PIEZO2: variants seen among roughly 807,000 people sequenced by gnomAD.
PIEZO2 encodes the protein piezo type mechanosensitive ion channel component 2.
Under a neutral mutation model 337.3 loss-of-function variants are expected in PIEZO2, and 172 were observed. The observed-to-expected ratio is 0.51, with a 90% CI of 0.45 to 0.58. PIEZO2 has a LOEUF of 0.58. PIEZO2 is among the 20% of genes least tolerant of loss of function. PIEZO2 has a pLI of 0.00. For synonymous variants in PIEZO2, 1,251 were observed against 1,228.5 expected (o/e 1.02, Z -0.38); for missense variants, 3,028 against 3,391.3 (o/e 0.89, Z 2.66).
At chr18:11,103,787 G>A (rs1346506697) in intron 1 of PIEZO2, among the ~76,000 whole-genome samples, 2 of 86,886 alleles carry the variant, frequency 2.3e-5, no homozygotes, top group African/African-American at 1.1e-4. Context: ...GATGCTGGTC[G>A]TGTGTGTGTG....
At chr18:10,839,414 C>A (rs1944332127) in intron 7 of PIEZO2, among the ~76,000 whole-genome samples, 2 of 152,196 alleles carry the variant, frequency 1.3e-5, no homozygotes, top group Non-Finnish European at 2.9e-5. Flanking sequence ...TAGGATATCA[C>A]CCCTGTCATC....
At chr18:11,039,262 A>C (rs2037027863) in intron 2 of PIEZO2, among the ~76,000 whole-genome samples, 1 of 152,330 alleles carries the variant, frequency 6.6e-6, no homozygotes, top group East Asian at 1.9e-4. Flanking sequence ...GATAACACAC[A>C]TGCATTGACT....
At chr18:10,835,139 C>T (rs1370410889) in intron 7 of PIEZO2, among the ~76,000 whole-genome samples, 2 of 152,160 alleles carry the variant, frequency 1.3e-5, no homozygotes, top group African/African-American at 2.4e-5. Context: ...GTTGGCACCT[C>T]GATCTTGGAC....
rs143871129 is a variant in PIEZO2 at position 10,952,900 on chromosome 18, A to ATCCC, written c.286+26631_286+26634dup. Among the ~76,000 whole-genome samples the ATCCC allele has an allele frequency of 2.7e-5, 4 of 146,748 alleles. No homozygotes were observed. The highest frequency in any genetic ancestry group is 6.8e-5 in the Admixed American group (1 of 14,698). ...CTTCCTTCCTTTCATCCCTCCCTCC[A>ATCCC]TCCCTCCCTCCCTCCTTCCTTCCTT... On this transcript the variant is annotated intron_variant, in intron 3 of 55. Transcript: ENST00000674853. This position sits in a 1 kb window ranked among gnomAD's most constrained non-coding sequence, Gnocchi z 4.1.
In PIEZO2 at chr18:10,671,858, AT is replaced by A. The variant is rs2033794031; in HGVS notation, c.8346-80del. 10 of 1,276,020 alleles carry A rather than the reference AT, an allele frequency of 7.8e-6. No homozygotes were observed. The Admixed American group carries it at 8.0e-5, about 10-fold the overall frequency. 79.0% of individuals were successfully genotyped at this position (1,276,020 alleles called of 1,614,324 possible). ...AGAAAAGCATGTCTAAAAGAAAAAA[AT>A]ATTACTTTCCCTCAAATTCTGTAGA... On this transcript the variant is annotated intron_variant, in intron 55 of 55. Transcript: ENST00000674853.
At chr18:10,845,200 G>GTGTA (rs1555658863) in intron 7 of PIEZO2, among the ~76,000 whole-genome samples, 88 of 149,216 alleles carry the variant, frequency 5.9e-4, no homozygotes, top group Admixed American at 8.0e-4. Flanking sequence ...GTGTGTGTGT[G>GTGTA]TATATATATA....
At chr18:10,747,938 C>A (rs1941548) in intron 30 of PIEZO2, among the ~76,000 whole-genome samples, 94,109 of 151,932 alleles carry the variant, frequency 0.62, 30,833 homozygotes, top group African/African-American at 0.84. Context: ...AGCTAGTCAT[C>A]GACACCCACC....
chr18:10,933,015 GA>G (rs1418916295), intron 3 of PIEZO2, among the ~76,000 whole-genome samples: 2 of 152,112 alleles, frequency 1.3e-5, no homozygotes, highest in African/African-American at 4.8e-5. Flanking sequence ...AGGCACAACA[GA>G]GTGGAGGAAA....
intron 2 of PIEZO2, among the ~76,000 whole-genome samples, chr18:11,026,869 A>G (rs2036559378): frequency 6.6e-6 from 1 of 152,224 alleles, no homozygotes; most frequent in Non-Finnish European, 1.5e-5. Context: ...TAGCTCCTAG[A>G]CAGGAAGAGG....
intron 1 of PIEZO2, among the ~76,000 whole-genome samples, chr18:11,075,929 A>G (rs890335410): frequency 6.6e-6 from 1 of 151,632 alleles, no homozygotes; most frequent in Non-Finnish European, 1.5e-5. Flanking sequence ...AGCTGGGACT[A>G]CAGGTGCCCG....
rs371283340 is a variant in PIEZO2 at position 10,677,852 on chromosome 18, G to A, written c.7976C>T (p.Ser2659Leu). ...AGAAAGCTTATCTGTTGCTATTTCC[G>A]ATTTTGCACCCAGACTTAAGTTTCT... ...IQRNLSLGAK[S>L]EIATDKLSFP... Residue 2659 changes from serine (S) to leucine (L), a missense_variant, in exon 53 of 56, where the codon TCG (serine) becomes TTG (leucine). Ser to Leu is a moderately radical substitution (Grantham distance 145, BLOSUM62 -2). Transcript: ENST00000674853. This position sits in a 1 kb window ranked among gnomAD's most constrained non-coding sequence, Gnocchi z 4.1. The A allele has an allele frequency of 1.1e-5, 18 of 1,594,146 alleles. No individual in the cohort carries two copies. Among genetic ancestry groups the A allele is most frequent in the Non-Finnish European group, 1.4e-5 (17 of 1,175,058 alleles).
intron 21 of PIEZO2, 170 bp downstream of exon 21, chr18:10,769,968 TTTCCTTTTTC>T: frequency 1.7e-6 from 1 of 597,028 alleles, no homozygotes; most frequent in Non-Finnish European, 2.7e-6. Context: ...CACGAGCCTC[TTTCCTTTTTC>T]TCAGTGCTGC....
rs1310332725 is a variant in PIEZO2, at chr18:10,705,551, C to T, written c.5784G>A (p.Leu1928=). 6.5e-7 allele frequency: 1 copy of T among 1,537,150 alleles called. No homozygotes were observed. Among genetic ancestry groups the T allele is most frequent in the African/African-American group, 1.4e-5 (1 of 73,054 alleles). Residue 1928 remains leucine (L), a synonymous_variant, in exon 41 of 56, where the codon CTG becomes CTA. Transcript: ENST00000674853. Reference sequence around the variant, plus strand: ...CCCCGTCCAAGGTGGAGAACTGTGTCAGCTCTTCCTCTGGGGTGAGGCTGG... The same window carrying T: ...CCCCGTCCAAGGTGGAGAACTGTGTTAGCTCTTCCTCTGGGGTGAGGCTGG... ...EEASLTPEEE[L]TQFSTLDGDV... is the part of the protein sequence containing the mutation.
chr18:10,832,317 A>G (rs1448255745), intron 7 of PIEZO2, among the ~76,000 whole-genome samples: 2 of 152,172 alleles, frequency 1.3e-5, no homozygotes, highest in African/African-American at 4.8e-5. Context: ...TCTCATTAGA[A>G]TTTAGGGGAA....
At chr18:11,011,956 C>T (rs574864991) in intron 2 of PIEZO2, among the ~76,000 whole-genome samples, 2 of 152,136 alleles carry the variant, frequency 1.3e-5, no homozygotes, top group East Asian at 1.9e-4. Context: ...ACTTCTGCCT[C>T]GGCAAGAGAG....
chr18:10,842,359 G>A (rs1034026956), intron 7 of PIEZO2, among the ~76,000 whole-genome samples: 1 of 152,154 alleles, frequency 6.6e-6, no homozygotes, highest in Non-Finnish European at 1.5e-5. Context: ...CTAATCAGGG[G>A]TGTTTGGGTC....
At chr18:10,961,004 T>C (rs955401472) in intron 3 of PIEZO2, among the ~76,000 whole-genome samples, 1 of 151,856 alleles carries the variant, frequency 6.6e-6, no homozygotes, top group Non-Finnish European at 1.5e-5. Context: ...TGGTGAAGCC[T>C]CGTCTCTACC....
chr18:10,851,383 T>C (rs2041547700), intron 7 of PIEZO2, among the ~76,000 whole-genome samples: 1 of 152,170 alleles, frequency 6.6e-6, no homozygotes, highest in African/African-American at 2.4e-5. Context: ...ACATTTTCTA[T>C]TCCCTGATAA....
Position 10,673,480 on chromosome 18 carries a change from A to T in PIEZO2, c.8162-607T>A, listed in dbSNP as rs1005995141. Among the ~76,000 whole-genome samples the T allele has an allele frequency of 1.3e-5, 2 of 152,146 alleles. No homozygotes were observed. Among genetic ancestry groups the T allele is most frequent in the African/African-American group, 4.8e-5 (2 of 41,426 alleles). ...CAGAGGAGATAACTTCTGAGCTGAG[A>T]TTCGCCAAGTGAGAACTTCAATAGG... is the stretch of plus-strand genomic sequence containing the variant. On this transcript the variant is annotated intron_variant, in intron 54 of 55. Coordinates refer to ENST00000674853, the MANE Select transcript of PIEZO2 (RefSeq NM_001378183.1). This position sits in a 1 kb window ranked among gnomAD's most constrained non-coding sequence, Gnocchi z 4.8.
Sources: allele counts gnomAD v4.1 joint callset (sites outside exome capture counted in the v4.1 genomes callset), GRCh38; gene constraint gnomAD v4.1.1; non-coding constraint Gnocchi (gnomAD v3.1); transcripts MANE v1.5; gene names NCBI Gene and HGNC (gene_info 2026-07-23, HGNC 2026-07-21).